Variants in JARID2 observed in about 807,000 individuals in gnomAD.
JARID2 encodes jumonji and AT-rich interaction domain containing 2, also known as protein Jumonji.
JARID2 carries 21 observed loss-of-function variants against 125.6 expected under a neutral mutation model. The observed-to-expected ratio is 0.17, with a 90% CI of 0.12 to 0.24. The LOEUF (loss-of-function observed/expected upper bound fraction) is 0.24, where lower values mean the gene tolerates loss of function less well. Ranked by LOEUF, JARID2 falls within the 10% of genes least tolerant of loss-of-function variation. The pLI is 1.00. For missense variants in JARID2, 1,303 were observed against 1,639.6 expected (o/e 0.79, Z 3.55); for synonymous variants, 736 against 661.6 (o/e 1.11, Z -1.73).
At chr6:15,476,867 C>T (rs1769366231) in intron 5 of JARID2, among the ~76,000 whole-genome samples, 2 of 152,114 alleles carry the variant, frequency 1.3e-5, no homozygotes, top group Admixed American at 1.3e-4. Flanking sequence ...CTTAAGCTCT[C>T]ATAATTGGTT....
chr6:15,422,085 C>T (rs1308279224), intron 3 of JARID2, among the ~76,000 whole-genome samples: 7 of 152,234 alleles, frequency 4.6e-5, no homozygotes, highest in Non-Finnish European at 7.3e-5. Flanking sequence ...CCGAAATCCT[C>T]TCTTGGGTCC....
At chr6:15,450,707 G>A (rs745920739) in intron 3 of JARID2, among the ~76,000 whole-genome samples, 2 of 152,222 alleles carry the variant, frequency 1.3e-5, no homozygotes, top group East Asian at 1.9e-4. Context: ...TCACTATTGC[G>A]TGAGTGGAGA....
chr6:15,387,012 CACT>C (rs1764812057), intron 2 of JARID2, among the ~76,000 whole-genome samples: 1 of 152,192 alleles, frequency 6.6e-6, no homozygotes, highest in African/African-American at 2.4e-5. Context: ...CATTAGCCAC[CACT>C]GTTTTTAATC....
chr6:15,356,498 T>C (rs1763604883), intron 1 of JARID2, among the ~76,000 whole-genome samples: 1 of 152,198 alleles, frequency 6.6e-6, no homozygotes, highest in South Asian at 2.1e-4. Flanking sequence ...AGTACATATA[T>C]TTTAACTTCC....
rs1771796480 is a variant in JARID2 at position 15,520,693 on chromosome 6, A to G, written c.*442A>G. 4 of 438,872 alleles carry G rather than the reference A, an allele frequency of 9.1e-6. No homozygotes were observed. The highest frequency in any genetic ancestry group is 2.5e-5 in the Admixed American group (1 of 40,802). The allele number at this position is 438,872 out of a possible 1,614,324, so 27.2% of individuals were successfully genotyped here. A position where few individuals can be genotyped will look rare whatever the true frequency, so the allele number is the denominator to read the frequency against. ...GAAGGGATAGGAGACACACGCGCACACACACACACACACGAAACTTGAAAT... is the reference window on the plus strand; with the variant it reads ...GAAGGGATAGGAGACACACGCGCACGCACACACACACACGAAACTTGAAAT... On this transcript the variant is annotated 3_prime_UTR_variant, in exon 18 of 18. Coordinates refer to ENST00000341776, the MANE Select transcript of JARID2 (RefSeq NM_004973.4).
At chr6:15,273,716 C>T (rs1353078681) in intron 1 of JARID2, among the ~76,000 whole-genome samples, 1 of 152,108 alleles carries the variant, frequency 6.6e-6, no homozygotes, top group Non-Finnish European at 1.5e-5. Flanking sequence ...AACAAACAAA[C>T]AAGCAAACAA....
intron 4 of JARID2, among the ~76,000 whole-genome samples, chr6:15,465,048 C>T (rs761379847): frequency 2.0e-5 from 3 of 152,170 alleles, no homozygotes; most frequent in Non-Finnish European, 2.9e-5. Context: ...ATTTTAGCCC[C>T]TCACTTTCTT....
chr6:15,268,160 C>T (rs925680353), intron 1 of JARID2, among the ~76,000 whole-genome samples: 1 of 152,184 alleles, frequency 6.6e-6, no homozygotes, highest in Non-Finnish European at 1.5e-5. Context: ...CCTCCAAACC[C>T]TTCTGACAGC....
At chr6:15,293,645 A>G (rs545592869) in intron 1 of JARID2, among the ~76,000 whole-genome samples, 71 of 152,226 alleles carry the variant, frequency 4.7e-4, no homozygotes, top group African/African-American at 1.4e-3. Flanking sequence ...GGCAGACTTG[A>G]CCTCTCTTGA....
chr6:15,422,599 C>T (rs1205718790), intron 3 of JARID2, among the ~76,000 whole-genome samples: 1 of 152,178 alleles, frequency 6.6e-6, no homozygotes, highest in East Asian at 1.9e-4. Context: ...TGGTTCAGAC[C>T]TCATTTAACT....
intron 16 of JARID2, among the ~76,000 whole-genome samples, chr6:15,514,739 C>A (rs1378711792): frequency 5.3e-5 from 8 of 152,156 alleles, no homozygotes; most frequent in Non-Finnish European, 1.2e-4. Context: ...CAGATAGGCC[C>A]ACCCTCATGG....
intron 3 of JARID2, among the ~76,000 whole-genome samples, chr6:15,442,491 G>T (rs1269813609): frequency 6.6e-6 from 1 of 152,148 alleles, no homozygotes; most frequent in Non-Finnish European, 1.5e-5. Flanking sequence ...AGTCCCTTCT[G>T]CCTTAAGATC....
intron 1 of JARID2, among the ~76,000 whole-genome samples, chr6:15,337,703 G>T (rs1762925242): frequency 1.4e-5 from 2 of 146,256 alleles, no homozygotes; most frequent in Non-Finnish European, 1.5e-5. Flanking sequence ...CTCTTAAACT[G>T]TTTCTCTCTT....
At chr6:15,302,838 G>C (rs1452901571) in intron 1 of JARID2, among the ~76,000 whole-genome samples, 10 of 152,008 alleles carry the variant, frequency 6.6e-5, no homozygotes. Context: ...GGGTTCAAGC[G>C]ATTCTTCTGC....
intron 1 of JARID2, among the ~76,000 whole-genome samples, chr6:15,275,427 A>C (rs1760458912): frequency 6.6e-6 from 1 of 151,796 alleles, no homozygotes; most frequent in South Asian, 2.1e-4. Context: ...CTGTAATTGG[A>C]AACAGCTGCT....
intron 4 of JARID2, among the ~76,000 whole-genome samples, chr6:15,454,720 A>T (rs1482171184): frequency 6.6e-6 from 1 of 151,856 alleles, no homozygotes; most frequent in African/African-American, 2.4e-5. Context: ...GGCTCATGCA[A>T]TTCTCATGCC....
intron 3 of JARID2, among the ~76,000 whole-genome samples, chr6:15,413,013 T>G (rs1019141182): frequency 1.4e-4 from 13 of 91,106 alleles, no homozygotes; most frequent in African/African-American, 4.8e-4. Context: ...TTTTTGTTTT[T>G]TTTTTTTTTG....
In JARID2 at chr6:15,379,892, C is replaced by T. The variant is rs73726565; in HGVS notation, c.181+5640C>T. On this transcript the variant is annotated intron_variant, in intron 2 of 17. Transcript: ENST00000341776. ...TGGATTAGAGCTCCCAAGCTTGTAG[C>T]CACCACTTAGATAAGGAGAGGTAAT... Among the ~76,000 whole-genome samples, 1,073 of 152,224 alleles carry T rather than the reference C, an allele frequency of 7.0e-3. 15 individuals are homozygous for T. Among genetic ancestry groups the T allele is most frequent in the African/African-American group, 0.025 (1,030 of 41,536 alleles).
chr6:15,268,897 T>G (rs2127348414), intron 1 of JARID2, among the ~76,000 whole-genome samples: 1 of 152,356 alleles, frequency 6.6e-6, no homozygotes, highest in East Asian at 1.9e-4. Context: ...CAAGTTTAAT[T>G]AAAGTCAAGG....
Sources: gnomAD v4.1 joint callset for allele counts (sites outside exome capture counted in the v4.1 genomes callset) on GRCh38, gnomAD v4.1.1 for gene constraint, MANE v1.5 for transcripts, NCBI Gene and HGNC (gene_info 2026-07-23, HGNC 2026-07-21) for gene names.